The following JAKMIP2 variants were observed in gnomAD, a reference collection of about 807,000 sequenced individuals.
JAKMIP2 encodes janus kinase and microtubule-interacting protein 2.
A neutral mutation model predicts 115.0 loss-of-function variants in JAKMIP2; 25 were observed. The ratio of observed to expected loss-of-function variants is 0.22; its 90% CI spans 0.16 to 0.30. The LOEUF (loss-of-function observed/expected upper bound fraction) is 0.30, where lower values mean the gene tolerates loss of function less well. Among genes scored for constraint, JAKMIP2 ranks in the 10% least tolerant of loss-of-function variants. The probability of loss-of-function intolerance (pLI) is 1.00; values close to 1 mark genes in which losing one functional copy is unlikely to be tolerated. For synonymous variants in JAKMIP2, 334 were observed against 343.6 expected (o/e 0.97, Z 0.31); for missense variants, 642 against 957.6 (o/e 0.67, Z 4.35).
chr5:147,763,432 G>A (rs1160608229), intron 1 of JAKMIP2, among the ~76,000 whole-genome samples: 1 of 152,110 alleles, frequency 6.6e-6, no homozygotes, highest in Non-Finnish European at 1.5e-5. Context: ...TTGAAGGAGA[G>A]CCTTTTCCTA....
At chr5:147,694,712 G>T (rs541105496) in intron 1 of JAKMIP2, among the ~76,000 whole-genome samples, 2 of 152,000 alleles carry the variant, frequency 1.3e-5, no homozygotes, top group East Asian at 3.9e-4. Flanking sequence ...TTATCTCTTG[G>T]TATTTTTCAG....
chr5:147,671,575 C>G, intron 2 of JAKMIP2, 103 bp downstream of exon 2: 1 of 1,013,488 alleles, frequency 9.9e-7, no homozygotes, highest in Admixed American at 3.5e-5. Flanking sequence ...TGGCAAAGGG[C>G]AGGAGTCCAC....
chr5:147,753,812 ATTTT>A (rs34633628), intron 1 of JAKMIP2, among the ~76,000 whole-genome samples: 1 of 141,476 alleles, frequency 7.1e-6, no homozygotes. Context: ...AGCAGAATGT[ATTTT>A]TTTTTTTTTT....
At position 147,586,663 on chromosome 5, in the gene JAKMIP2, T is replaced by C. The variant is rs1754882290; in HGVS notation, c.*5044A>G. 6.6e-6 allele frequency: 1 copy of C among 152,094 alleles called. No individual in the cohort carries two copies. The highest frequency in any genetic ancestry group is 2.4e-5 in the African/African-American group (1 of 41,428). The allele number at this position is 152,094 out of a possible 1,614,324, so 9.4% of individuals were successfully genotyped here. A position where few individuals can be genotyped will look rare whatever the true frequency, so the allele number is the denominator to read the frequency against. On this transcript the variant is annotated 3_prime_UTR_variant, in exon 22 of 22. Transcript: ENST00000616793. ...ACCACGTGTATCTCTGCCACATTAA[T>C]TTGAATATAGGAAATTATAATCCTA...
intron 2 of JAKMIP2, among the ~76,000 whole-genome samples, chr5:147,667,006 T>TA (rs1340309144): frequency 6.6e-6 from 1 of 152,194 alleles, no homozygotes; most frequent in Non-Finnish European, 1.5e-5. Flanking sequence ...CTGATAAGAC[T>TA]AACATTACTA....
chr5:147,765,113 C>T (rs2436410), intron 1 of JAKMIP2, among the ~76,000 whole-genome samples: 45,339 of 149,936 alleles, frequency 0.3, 7,042 homozygotes, highest in Admixed American at 0.37. Context: ...ATAATAGATA[C>T]ATTAAAAAAA....
chr5:147,735,449 G>A (rs1753885087), intron 1 of JAKMIP2, among the ~76,000 whole-genome samples: 1 of 152,174 alleles, frequency 6.6e-6, no homozygotes, highest in African/African-American at 2.4e-5. Flanking sequence ...GCAAAGTCAT[G>A]TCTTAAATAG....
chr5:147,617,679 T>TA (rs1756654935), intron 19 of JAKMIP2, among the ~76,000 whole-genome samples: 1 of 152,228 alleles, frequency 6.6e-6, no homozygotes, highest in South Asian at 2.1e-4. Flanking sequence ...GTTCTAAAAA[T>TA]AGTAGCAGTA....
rs1185627107 is a variant in JAKMIP2 at position 147,640,717 on chromosome 5, T to C, written c.1388A>G (p.Asp463Gly). 11 of 1,613,606 alleles carry C rather than the reference T, an allele frequency of 6.8e-6. No individual in the cohort carries two copies. In the South Asian group the frequency reaches 1.1e-4, roughly 16 times the overall value. ...RTDRTPATPD[D>G]DLDESLAAEE... is the part of the protein sequence containing the mutation. ...AGAAAAGCTTACTTCATCCAAGTCA[T>C]CATCAGGAGTAGCTGGTGTTCTGTC... The change falls in exon 9 of 22, where the codon GAT (aspartate) becomes GGT (glycine). Residue 463 changes from aspartate to glycine, a missense_variant. Asp to Gly is a moderately conservative substitution (Grantham distance 94). Transcript: ENST00000616793.
In JAKMIP2 at chr5:147,692,625, T is replaced by C. The variant is rs527587394; in HGVS notation, c.-148-20671A>G. 1.3e-4 allele frequency among the ~76,000 whole-genome samples: 20 copies of C among 152,330 alleles called. No homozygotes were observed. In the South Asian group the frequency reaches 2.5e-3, roughly 19 times the overall value. ...AAAGTAGGGAGGGTGTTTGCTCATA[T>C]GACTAATATAAAAACAGTATGATAA... On this transcript the variant is annotated intron_variant, in intron 1 of 21. Coordinates refer to ENST00000616793, the MANE Select transcript of JAKMIP2 (RefSeq NM_001270941.2).
intron 1 of JAKMIP2, among the ~76,000 whole-genome samples, chr5:147,688,251 G>A (rs1167964381): frequency 6.6e-6 from 1 of 152,172 alleles, no homozygotes; most frequent in East Asian, 1.9e-4. Context: ...AGCACTGATT[G>A]AATTAATCGC....
chr5:147,673,849 T>C (rs1561530331), intron 1 of JAKMIP2, among the ~76,000 whole-genome samples: 1 of 151,984 alleles, frequency 6.6e-6, no homozygotes, highest in Non-Finnish European at 1.5e-5. Context: ...ATCTAACAGG[T>C]TTCTCTCTAT....
intron 3 of JAKMIP2, among the ~76,000 whole-genome samples, chr5:147,659,305 C>T (rs1321668160): frequency 2.0e-5 from 3 of 152,152 alleles, no homozygotes. Flanking sequence ...TGGCTGCGTG[C>T]ACTTCCCACA....
At position 147,746,863 on chromosome 5, in the gene JAKMIP2, T is replaced by G. The variant is rs564994159; in HGVS notation, c.-149+35593A>C. On this transcript the variant is annotated intron_variant, in intron 1 of 21. Coordinates refer to ENST00000616793, the MANE Select transcript of JAKMIP2 (RefSeq NM_001270941.2). The stretch of plus-strand genomic sequence containing the variant: ...TCCTTTAACACAGTTTGTTTAATGA[T>G]TCCTATAACTTTGAACATTGTTAAG... Among the ~76,000 whole-genome samples, 9 of 152,348 alleles carry G rather than the reference T, an allele frequency of 5.9e-5. No individual in the cohort carries two copies. In the South Asian group the frequency reaches 1.9e-3, roughly 32 times the overall value.
At chr5:147,596,839 TA>T in intron 21 of JAKMIP2, among the ~76,000 whole-genome samples, 1 of 152,146 alleles carries the variant, frequency 6.6e-6, no homozygotes, top group South Asian at 2.1e-4. Flanking sequence ...CTTATCCATG[TA>T]AAAACTAAGG....
In JAKMIP2 at chr5:147,644,896, C is replaced by T. The variant is rs753380815; in HGVS notation, c.1037G>A (p.Arg346His). The change falls in exon 6 of 22, where the codon CGC becomes CAC. Residue 346 changes from arginine to histidine, a missense_variant. Arg to His is a conservative substitution (Grantham distance 29, BLOSUM62 0). Transcript: ENST00000616793. Reference sequence around the variant, plus strand: ...AACGGCTTTTAGTTTTTCTTCCATGCGCTGCAAGGACACCATCAGTTCATC... The same window carrying T: ...AACGGCTTTTAGTTTTTCTTCCATGTGCTGCAAGGACACCATCAGTTCATC... ...RNDELMVSLQ[R>H]MEEKLKAVTK... The T allele has an allele frequency of 5.6e-6, 9 of 1,613,556 alleles. No individual in the cohort carries two copies. Among genetic ancestry groups the T allele is most frequent in the South Asian group, 4.4e-5 (4 of 91,054 alleles).
intron 1 of JAKMIP2, among the ~76,000 whole-genome samples, chr5:147,779,960 T>G (rs898380622): frequency 6.6e-6 from 1 of 152,158 alleles, no homozygotes; most frequent in Admixed American, 6.5e-5. Context: ...ATCTTCATAA[T>G]TCCTCATAAA....
At chr5:147,635,502 T>C (rs186302405) in intron 12 of JAKMIP2, among the ~76,000 whole-genome samples, 4 of 152,324 alleles carry the variant, frequency 2.6e-5, no homozygotes, top group Admixed American at 1.3e-4. Flanking sequence ...CTTGGAGTCA[T>C]ACTCTGTCAC....
intron 2 of JAKMIP2, 189 bp from the exon 3 acceptor site, chr5:147,661,634 C>T (rs1444491699): frequency 2.9e-5 from 17 of 586,992 alleles, no homozygotes; most frequent in Non-Finnish European, 3.6e-5. Flanking sequence ...GGAGGAAATA[C>T]CTGAGGATAT....
Sources: gnomAD v4.1 joint callset for allele counts (sites outside exome capture counted in the v4.1 genomes callset) on GRCh38, gnomAD v4.1.1 for gene constraint, MANE v1.5 for transcripts, NCBI Gene and HGNC (gene_info 2026-07-23, HGNC 2026-07-21) for gene names.